Variants in RBMS3 observed in about 807,000 individuals in gnomAD.
The protein encoded by RBMS3 is RNA-binding motif, single-stranded-interacting protein 3.
A neutral mutation model predicts 66.8 loss-of-function variants in RBMS3; 27 were observed. The ratio of observed to expected loss-of-function variants is 0.40; its 90% confidence interval spans 0.30 to 0.56. RBMS3 has a LOEUF of 0.56. RBMS3 is among the 20% of genes least tolerant of loss of function. The pLI, the probability that RBMS3 is intolerant of heterozygous loss-of-function variation, is 0.40. For missense variants in RBMS3, 513 were observed against 549.5 expected (o/e 0.93, Z 0.66); for synonymous variants, 188 against 183.0 (o/e 1.03, Z -0.22).
intron 12 of RBMS3, among the ~76,000 whole-genome samples, chr3:29,980,384 C>T (rs921413563): frequency 6.6e-6 from 1 of 152,130 alleles, no homozygotes; most frequent in Non-Finnish European, 1.5e-5. Context: ...CTGTAGGTCG[C>T]GTGTTCACTC....
At chr3:29,489,949 A>G (rs890653579) in intron 3 of RBMS3, among the ~76,000 whole-genome samples, 1 of 148,628 alleles carries the variant, frequency 6.7e-6, no homozygotes, top group South Asian at 2.2e-4. Flanking sequence ...AGGCTGTGGC[A>G]GGAGAATCGT....
chr3:29,791,016 A>G (rs1351787314), intron 6 of RBMS3, among the ~76,000 whole-genome samples: 1 of 152,240 alleles, frequency 6.6e-6, no homozygotes, highest in Non-Finnish European at 1.5e-5. Flanking sequence ...CAAGGAAATC[A>G]GAGTGAACCC....
chr3:29,314,565 C>T (rs1215026121), intron 1 of RBMS3, among the ~76,000 whole-genome samples: 1 of 151,468 alleles, frequency 6.6e-6, no homozygotes, highest in Non-Finnish European at 1.5e-5. Context: ...GGTTAAGAGA[C>T]CATGGCTCTG....
chr3:29,737,072 G>T (rs534566601), intron 4 of RBMS3, among the ~76,000 whole-genome samples: 1 of 152,070 alleles, frequency 6.6e-6, no homozygotes, highest in East Asian at 1.9e-4. Flanking sequence ...CGCCTCCCGG[G>T]TTCACGCCAT....
chr3:29,868,991 C>A, intron 7 of RBMS3, 27 bp downstream of exon 7: 1 of 1,543,322 alleles, frequency 6.5e-7, no homozygotes, highest in Non-Finnish European at 8.8e-7. Context: ...AACATTTGCT[C>A]TGAAATTTGG....
chr3:29,361,806 C>A (rs9784280), intron 1 of RBMS3, among the ~76,000 whole-genome samples: 15,075 of 152,068 alleles, frequency 0.099, 1,516 homozygotes, highest in African/African-American at 0.26. Context: ...TTTGATCTTC[C>A]ATCACTGATA....
At chr3:29,733,102 A>G (rs1353300278) in intron 4 of RBMS3, among the ~76,000 whole-genome samples, 2 of 152,134 alleles carry the variant, frequency 1.3e-5, no homozygotes, top group Admixed American at 1.3e-4. Context: ...GTAAGGTAAT[A>G]TTATTATCTT....
chr3:29,632,568 G>A (rs1215592319), intron 4 of RBMS3, among the ~76,000 whole-genome samples: 1 of 151,764 alleles, frequency 6.6e-6, no homozygotes, highest in Non-Finnish European at 1.5e-5. Context: ...GTCTTGATTT[G>A]TGTGGGTCGC....
At chr3:29,526,477 C>T (rs1016409071) in intron 3 of RBMS3, among the ~76,000 whole-genome samples, 2 of 124,862 alleles carry the variant, frequency 1.6e-5, no homozygotes, top group African/African-American at 6.2e-5. Context: ...GCCGAGATCG[C>T]GCCACTGCAC....
At chr3:29,514,650 C>CATATATAT (rs10601940) in intron 3 of RBMS3, among the ~76,000 whole-genome samples, 2,399 of 103,562 alleles carry the variant, frequency 0.023, 64 homozygotes, top group East Asian at 0.096. Flanking sequence ...GTGATAGGCA[C>CATATATAT]ATATATATAT....
At chr3:29,771,122 G>A (rs1239925358) in intron 6 of RBMS3, among the ~76,000 whole-genome samples, 1 of 152,016 alleles carries the variant, frequency 6.6e-6, no homozygotes, top group Admixed American at 6.6e-5. Context: ...TAGCCATTAT[G>A]TGTTTATCTT....
At chr3:29,453,699 G>A (rs1170150019) in intron 2 of RBMS3, among the ~76,000 whole-genome samples, 1 of 152,192 alleles carries the variant, frequency 6.6e-6, no homozygotes, top group East Asian at 1.9e-4. Flanking sequence ...AGATTTCTTG[G>A]CAGCTGTGGC....
At position 29,713,925 on chromosome 3, in the gene RBMS3, C is replaced by T. The variant is rs564175203; in HGVS notation, c.400-25795C>T. On this transcript the variant is annotated intron_variant, in intron 4 of 14. Coordinates refer to ENST00000383767, the MANE Select transcript of RBMS3 (RefSeq NM_001003793.3). ...CAAAACTTAGCCAGGCATGGTGGTG[C>T]GTGCCTGTAGTCCCAGCTACTCTGG... Among the ~76,000 whole-genome samples the T allele has an allele frequency of 5.3e-5, 8 of 151,950 alleles. No homozygotes were observed. In the South Asian group the frequency reaches 1.0e-3, roughly 20 times the overall value.
chr3:29,682,959 A>T (rs2051560795), intron 4 of RBMS3, among the ~76,000 whole-genome samples: 1 of 152,196 alleles, frequency 6.6e-6, no homozygotes, highest in African/African-American at 2.4e-5. Flanking sequence ...TAAGTGTTTA[A>T]GTATTTGGAT....
chr3:29,524,987 T>C (rs1453555376), intron 3 of RBMS3, among the ~76,000 whole-genome samples: 1 of 152,020 alleles, frequency 6.6e-6, no homozygotes, highest in Non-Finnish European at 1.5e-5. Context: ...CCAGGAGTTC[T>C]AGGGTGCGGT....
intron 4 of RBMS3, among the ~76,000 whole-genome samples, chr3:29,661,309 G>T (rs1177957057): frequency 6.6e-6 from 1 of 152,106 alleles, no homozygotes; most frequent in African/African-American, 2.4e-5. Flanking sequence ...CCTATCTGCT[G>T]GTTGTGTATA....
chr3:29,295,094 AC>A (rs1246815681), intron 1 of RBMS3, among the ~76,000 whole-genome samples: 4 of 151,500 alleles, frequency 2.6e-5, no homozygotes, highest in Admixed American at 6.6e-5. Flanking sequence ...AGCTTTTCTC[AC>A]TAAGGAATAT....
intron 1 of RBMS3, among the ~76,000 whole-genome samples, chr3:29,424,734 G>C (rs142788384): frequency 2.0e-5 from 3 of 152,044 alleles, no homozygotes; most frequent in Admixed American, 2.0e-4. Context: ...AGTAATTTTC[G>C]TTATACGTAA....
At chr3:29,345,422 G>C (rs934344328) in intron 1 of RBMS3, among the ~76,000 whole-genome samples, 1 of 152,072 alleles carries the variant, frequency 6.6e-6, no homozygotes, top group African/African-American at 2.4e-5. Flanking sequence ...CAGTTTAAAA[G>C]GAGGAGGATT....
Sources: gnomAD v4.1 joint callset for allele counts (sites outside exome capture counted in the v4.1 genomes callset) on GRCh38, gnomAD v4.1.1 for gene constraint, MANE v1.5 for transcripts, NCBI Gene and HGNC (gene_info 2026-07-23, HGNC 2026-07-21) for gene names.